Variants in DCDC2 observed in about 807,000 individuals in gnomAD.
DCDC2 encodes the protein doublecortin domain-containing protein 2.
A neutral mutation model predicts 50.2 loss-of-function variants in DCDC2; 40 were observed. That is an observed-to-expected ratio of 0.80 (90% CI 0.62 to 1.04). The LOEUF (loss-of-function observed/expected upper bound fraction) is 1.04, where lower values mean the gene tolerates loss of function less well. Ranked by LOEUF, DCDC2 falls within the 50% of genes least tolerant of loss-of-function variation. The probability of loss-of-function intolerance (pLI) is 0.00; values close to 1 mark genes in which losing one functional copy is unlikely to be tolerated. For missense variants in DCDC2, 570 were observed against 581.9 expected (o/e 0.98, Z 0.21); for synonymous variants, 234 against 210.6 (o/e 1.11, Z -0.96).
chr6:24,180,361 T>C (rs1761043527), intron 8 of DCDC2, among the ~76,000 whole-genome samples: 2 of 152,124 alleles, frequency 1.3e-5, no homozygotes, highest in Non-Finnish European at 2.9e-5. Context: ...CTCTGCTCAC[T>C]GCAAGCCCCG....
At position 24,199,739 on chromosome 6, in the gene DCDC2, C is replaced by T. The variant is rs1761540791; in HGVS notation, c.1023+5263G>A. ...CCAAGCTAAAGGAGCATGTTCTAAC[C>T]CAATGCAAGGAAGCTAATAAGCTTG... On this transcript the variant is annotated intron_variant, in intron 8 of 9. Coordinates refer to ENST00000378454, the MANE Select transcript of DCDC2 (RefSeq NM_016356.5). 2.0e-5 allele frequency among the ~76,000 whole-genome samples: 3 copies of T among 152,100 alleles called. No individual in the cohort carries two copies. In the South Asian group the frequency reaches 6.2e-4, roughly 32 times the overall value.
intron 8 of DCDC2, among the ~76,000 whole-genome samples, chr6:24,183,184 G>A (rs1761120811): frequency 6.6e-6 from 1 of 152,168 alleles, no homozygotes; most frequent in Non-Finnish European, 1.5e-5. Context: ...TTTCAGTTTT[G>A]CAAGACGAAA....
At chr6:24,258,201 T>C (rs1218113105) in intron 7 of DCDC2, among the ~76,000 whole-genome samples, 2 of 152,172 alleles carry the variant, frequency 1.3e-5, no homozygotes, top group African/African-American at 2.4e-5. Context: ...GCAAGATTTA[T>C]TGTGAAGAGC....
At chr6:24,228,582 TA>T (rs1430059835) in intron 7 of DCDC2, among the ~76,000 whole-genome samples, 3 of 152,248 alleles carry the variant, frequency 2.0e-5, no homozygotes, top group Admixed American at 1.3e-4. Context: ...ATACAGCTGA[TA>T]GGAGTTCTGA....
intron 6 of DCDC2, among the ~76,000 whole-genome samples, chr6:24,286,456 GGTGGCACATGCC>G (rs1332900850): frequency 2.6e-5 from 4 of 152,090 alleles, no homozygotes; most frequent in Non-Finnish European, 4.4e-5. Context: ...AGCCAGGCAT[GGTGGCACATGCC>G]TGGAGTCCCA....
At chr6:24,208,366 T>C (rs1225413128) in intron 7 of DCDC2, among the ~76,000 whole-genome samples, 1 of 129,546 alleles carries the variant, frequency 7.7e-6, no homozygotes, top group African/African-American at 2.9e-5. Context: ...TGTGCTACTT[T>C]TTTTTTTTTT....
At chr6:24,382,809 A>G in the DCDC2 span, among the ~76,000 whole-genome samples, 1 of 152,218 alleles carries the variant, frequency 6.6e-6, no homozygotes, top group South Asian at 2.1e-4. Flanking sequence ...AATTGTGTTT[A>G]GATGGCCAAG....
At chr6:24,288,122 A>G (rs1763654637) in intron 6 of DCDC2, among the ~76,000 whole-genome samples, 1 of 152,222 alleles carries the variant, frequency 6.6e-6, no homozygotes. Context: ...AAATACCAAA[A>G]TAAGAATGTT....
chr6:24,308,576 G>A (rs10452599), intron 2 of DCDC2, among the ~76,000 whole-genome samples: 3,646 of 152,062 alleles, frequency 0.024, 121 homozygotes, highest in African/African-American at 0.081. Context: ...AAAACATGAC[G>A]ACCCGTTATC....
chr6:24,318,780 C>CGTGTGT (rs57175093), intron 2 of DCDC2, among the ~76,000 whole-genome samples: 4 of 149,556 alleles, frequency 2.7e-5, no homozygotes, highest in Admixed American at 6.7e-5. Context: ...TATATACGTA[C>CGTGTGT]GTGTGTGTGT....
At chr6:24,342,787 TATG>T (rs1186587590) in intron 2 of DCDC2, among the ~76,000 whole-genome samples, 2 of 152,304 alleles carry the variant, frequency 1.3e-5, no homozygotes, top group Middle Eastern at 3.4e-3. Context: ...GTTACCCAGC[TATG>T]ATGTAGAGGG....
chr6:24,367,603 A>C, the DCDC2 span, among the ~76,000 whole-genome samples: 1 of 152,242 alleles, frequency 6.6e-6, no homozygotes, highest in Admixed American at 6.5e-5. Flanking sequence ...GTGATCTACA[A>C]AATGTGAGGC....
chr6:24,298,496 C>T (rs1477706437), intron 4 of DCDC2, among the ~76,000 whole-genome samples: 2 of 152,224 alleles, frequency 1.3e-5, no homozygotes, highest in African/African-American at 4.8e-5. Context: ...GAATCCCAGC[C>T]CTGCTACTCA....
At chr6:24,356,240 A>G (rs1760464706) in intron 1 of DCDC2, among the ~76,000 whole-genome samples, 1 of 152,246 alleles carries the variant, frequency 6.6e-6, no homozygotes, top group Non-Finnish European at 1.5e-5. Context: ...AAAAGAATGA[A>G]GTATTGATGT....
chr6:24,377,937 C>T, the DCDC2 span, among the ~76,000 whole-genome samples: 599 of 152,140 alleles, frequency 3.9e-3, 4 homozygotes, highest in African/African-American at 7.3e-3. Context: ...TGCAGTGAGC[C>T]GAGATCATGC....
intron 7 of DCDC2, among the ~76,000 whole-genome samples, chr6:24,276,836 T>C (rs1399130787): frequency 6.6e-6 from 1 of 151,982 alleles, no homozygotes; most frequent in African/African-American, 2.4e-5. Flanking sequence ...GAACCCACAT[T>C]TTTCAGATAG....
intron 7 of DCDC2, among the ~76,000 whole-genome samples, chr6:24,206,020 A>G (rs903461081): frequency 6.6e-6 from 1 of 152,164 alleles, no homozygotes; most frequent in Non-Finnish European, 1.5e-5. Flanking sequence ...ATATATTTTT[A>G]TCTTTTGCCT....
rs368555168 is a variant in DCDC2 at position 24,223,268 on chromosome 6, T to C, written c.923-18166A>G. Among the ~76,000 whole-genome samples the C allele has an allele frequency of 2.8e-4, 42 of 152,380 alleles. No individual in the cohort carries two copies. In the East Asian group the frequency reaches 2.9e-3, roughly 10 times the overall value. On this transcript the variant is annotated intron_variant, in intron 7 of 9. Transcript: ENST00000378454. Reference sequence around the variant, plus strand: ...CATTGTTCTTAAGTACATTTTAAGCTGCACATTTTAGAACTAGATGATGAA... The same window carrying C: ...CATTGTTCTTAAGTACATTTTAAGCCGCACATTTTAGAACTAGATGATGAA...
intron 7 of DCDC2, among the ~76,000 whole-genome samples, chr6:24,244,310 C>T (rs983736115): frequency 9.2e-5 from 14 of 152,156 alleles, no homozygotes; most frequent in African/African-American, 3.1e-4. Flanking sequence ...AACCAAGAAG[C>T]CTAATCAAAA....
Sources: gnomAD v4.1 joint callset for allele counts (sites outside exome capture counted in the v4.1 genomes callset) on GRCh38, gnomAD v4.1.1 for gene constraint, MANE v1.5 for transcripts, NCBI Gene and HGNC (gene_info 2026-07-23, HGNC 2026-07-21) for gene names.